SOCS7: variants seen among roughly 807,000 people sequenced by gnomAD.
The protein encoded by SOCS7 is suppressor of cytokine signaling 7.
In SOCS7, 18 loss-of-function variants were observed where a neutral mutation model predicts 58.9. The observed-to-expected ratio is 0.31, with a 90% CI of 0.21 to 0.45. SOCS7 has a LOEUF of 0.45. Among genes scored for constraint, SOCS7 ranks in the 20% least tolerant of loss-of-function variants. The pLI is 1.00. For synonymous variants in SOCS7, 388 were observed against 364.3 expected (o/e 1.06, Z -0.74); for missense variants, 667 against 837.3 (o/e 0.80, Z 2.51).
rs1457572646 is a variant in SOCS7, at chr17:38,403,287, A to G, written c.*3805A>G. 6.6e-6 allele frequency: 1 copy of G among 152,182 alleles called. No individual in the cohort carries two copies. The highest frequency in any genetic ancestry group is 1.5e-5 in the Non-Finnish European group (1 of 68,086). 9.4% of individuals were successfully genotyped at this position (152,182 alleles called of 1,614,324 possible). A position where few individuals can be genotyped will look rare whatever the true frequency, so the allele number is the denominator to read the frequency against. ...ATAGCTGCAGACACCCCTGTAACAGACATCCAGGAAGAATTAGGGAGTGGG... is the reference window on the plus strand; with the variant it reads ...ATAGCTGCAGACACCCCTGTAACAGGCATCCAGGAAGAATTAGGGAGTGGG... On this transcript the variant is annotated 3_prime_UTR_variant, in exon 10 of 10. Transcript: ENST00000612932.
chr17:38,380,230 A>G (rs6503550), intron 7 of SOCS7, among the ~76,000 whole-genome samples: 46,304 of 152,038 alleles, frequency 0.3, 9,089 homozygotes, highest in African/African-American at 0.56. Flanking sequence ...GTTTGCAACT[A>G]TTAATATTGA....
intron 6 of SOCS7, 124 bp downstream of exon 6, chr17:38,368,174 T>G: frequency 1.2e-6 from 1 of 826,560 alleles, no homozygotes; most frequent in East Asian, 2.7e-5. Context: ...TATCTTAGAC[T>G]CAGTTGAATA....
At chr17:38,392,882 G>C (rs574968395) in intron 7 of SOCS7, among the ~76,000 whole-genome samples, 25 of 152,352 alleles carry the variant, frequency 1.6e-4, no homozygotes, top group African/African-American at 5.8e-4. Flanking sequence ...AGGCAGGCCG[G>C]CTTTAGTGGC....
At chr17:38,398,788 G>C (rs1048850839) in intron 9 of SOCS7, among the ~76,000 whole-genome samples, 2 of 152,156 alleles carry the variant, frequency 1.3e-5, no homozygotes, top group Non-Finnish European at 2.9e-5. Context: ...GTTGACAGAA[G>C]CTGCAGAAAT....
chr17:38,362,368 A>G (rs1159437807), intron 2 of SOCS7, among the ~76,000 whole-genome samples: 1 of 152,202 alleles, frequency 6.6e-6, no homozygotes. Context: ...GATGATGGGT[A>G]ACTGCCTTCT....
intron 7 of SOCS7, among the ~76,000 whole-genome samples, chr17:38,381,019 C>T (rs41533250): frequency 2.0e-5 from 3 of 152,158 alleles, no homozygotes; most frequent in African/African-American, 7.2e-5. Flanking sequence ...GGCTTGACTA[C>T]AAATCCTTGA....
rs1437758226 is a variant in SOCS7, at chr17:38,387,100, A to AT, written c.1682-8209_1682-8208insT. Among the ~76,000 whole-genome samples the AT allele has an allele frequency of 3.0e-3, 247 of 82,836 alleles. 1 individual carries two copies. Among genetic ancestry groups the AT allele is most frequent in the Admixed American group, 3.6e-3 (26 of 7,136 alleles). The allele number at this position is 82,836 out of a possible 152,430, so 54.3% of individuals were successfully genotyped here. A position where few individuals can be genotyped will look rare whatever the true frequency, so the allele number is the denominator to read the frequency against. Reference sequence around the variant, plus strand: ...CTTATCTTAAAAAAAAAAAAAAAAAAAAATATATATATATATATATATATA... The same window carrying AT: ...CTTATCTTAAAAAAAAAAAAAAAAAATAAATATATATATATATATATATATA... On this transcript the variant is annotated intron_variant, in intron 7 of 9. Coordinates refer to ENST00000612932, the MANE Select transcript of SOCS7 (RefSeq NM_014598.4).
At chr17:38,360,376 A>G (rs1555567387) in intron 1 of SOCS7, among the ~76,000 whole-genome samples, 1 of 151,162 alleles carries the variant, frequency 6.6e-6, no homozygotes, top group African/African-American at 2.4e-5. Flanking sequence ...TTTGTTTAGT[A>G]GAGATGGAGT....
chr17:38,379,556 G>A (rs951535737), intron 7 of SOCS7, among the ~76,000 whole-genome samples: 1 of 152,130 alleles, frequency 6.6e-6, no homozygotes, highest in Non-Finnish European at 1.5e-5. Context: ...TAAGATTCTT[G>A]AACAGAACAC....
intron 7 of SOCS7, among the ~76,000 whole-genome samples, chr17:38,385,098 A>G (rs1202629518): frequency 2.7e-5 from 4 of 150,100 alleles, no homozygotes; most frequent in Non-Finnish European, 5.9e-5. Context: ...GGGTTTCATC[A>G]TGTTGGTCAG....
chr17:38,365,253 C>A, intron 3 of SOCS7, 55 bp from the exon 4 acceptor site: 2 of 1,339,878 alleles, frequency 1.5e-6, no homozygotes, highest in Admixed American at 1.8e-5. Flanking sequence ...CTGCCTTCAG[C>A]GTGCTCATTC....
At chr17:38,378,312 A>T (rs2037957727) in intron 7 of SOCS7, among the ~76,000 whole-genome samples, 2 of 152,024 alleles carry the variant, frequency 1.3e-5, no homozygotes, top group Non-Finnish European at 2.9e-5. Context: ...CCGAGGTGGG[A>T]GGATTGCTTG....
At chr17:38,394,668 G>A (rs1188078780) in intron 7 of SOCS7, among the ~76,000 whole-genome samples, 4 of 152,160 alleles carry the variant, frequency 2.6e-5, no homozygotes, top group Non-Finnish European at 5.9e-5. Flanking sequence ...GAGAGCCTCA[G>A]GCCTGGGATT....
intron 7 of SOCS7, among the ~76,000 whole-genome samples, chr17:38,389,200 G>GC (rs777566728): frequency 6.6e-6 from 1 of 152,116 alleles, no homozygotes; most frequent in Non-Finnish European, 1.5e-5. Flanking sequence ...CTGCTTATTG[G>GC]CTATTGTATC....
intron 1 of SOCS7, among the ~76,000 whole-genome samples, chr17:38,361,059 AG>A (rs1199561907): frequency 6.6e-6 from 1 of 152,236 alleles, no homozygotes; most frequent in Non-Finnish European, 1.5e-5. Context: ...AACAGCATCA[AG>A]AAGTCATGGG....
At chr17:38,360,056 G>C (rs376215831) in intron 1 of SOCS7, among the ~76,000 whole-genome samples, 1 of 152,070 alleles carries the variant, frequency 6.6e-6, no homozygotes, top group African/African-American at 2.4e-5. Context: ...GGGATTACAG[G>C]TGTGAGCCAT....
intron 7 of SOCS7, among the ~76,000 whole-genome samples, chr17:38,392,432 A>G (rs2038183845): frequency 6.6e-6 from 1 of 152,236 alleles, no homozygotes; most frequent in South Asian, 2.1e-4. Context: ...TACCAGTATT[A>G]CAGCCAATCC....
rs1305726600 is a variant in SOCS7, at chr17:38,401,990, A to G, written c.*2508A>G. ...TCAGCTCAGGCCATGTGAGGGAGGC[A>G]GAGCCTCTGCACCCCCTGTGTTACT... On this transcript the variant is annotated 3_prime_UTR_variant, in exon 10 of 10. Coordinates refer to ENST00000612932, the MANE Select transcript of SOCS7 (RefSeq NM_014598.4). 1 of 152,274 alleles carries G rather than the reference A, an allele frequency of 6.6e-6. No homozygotes were observed. The highest frequency in any genetic ancestry group is 2.4e-5 in the African/African-American group (1 of 41,470). 9.4% of individuals were successfully genotyped at this position (152,274 alleles called of 1,614,324 possible).
chr17:38,397,860 GA>G (rs2038264576), intron 9 of SOCS7, among the ~76,000 whole-genome samples: 2 of 152,200 alleles, frequency 1.3e-5, no homozygotes, highest in African/African-American at 4.8e-5. Context: ...TTAGTGGTGG[GA>G]TACTCCTCAA....
Sources: gnomAD v4.1 joint callset for allele counts (sites outside exome capture counted in the v4.1 genomes callset) on GRCh38, gnomAD v4.1.1 for gene constraint, MANE v1.5 for transcripts, NCBI Gene and HGNC (gene_info 2026-07-23, HGNC 2026-07-21) for gene names.